The following NFIB variants were observed in gnomAD, a reference collection of about 807,000 sequenced individuals.
NFIB encodes the protein nuclear factor I B, also known as nuclear factor 1 B-type.
A neutral mutation model predicts 61.5 loss-of-function variants in NFIB; 11 were observed. The observed-to-expected ratio is 0.18, with a 90% confidence interval of 0.11 to 0.30. The LOEUF (loss-of-function observed/expected upper bound fraction) is 0.30. Among genes scored for constraint, NFIB ranks in the 10% least tolerant of loss-of-function variants. The pLI is 1.00. For synonymous variants in NFIB, 260 were observed against 216.5 expected, an observed-to-expected ratio of 1.20 and a Z score of -1.76; for missense variants, 471 against 608.9, an observed-to-expected ratio of 0.77 and a Z score of 2.38.
the NFIB span, among the ~76,000 whole-genome samples, chr9:14,434,566 T>A: frequency 9.8e-5 from 15 of 152,302 alleles, no homozygotes; most frequent in African/African-American, 3.6e-4. Flanking sequence ...AAAGGATCCC[T>A]TTCAAACTCA....
At chr9:14,153,766 T>G (rs1294101745) in intron 4 of NFIB, among the ~76,000 whole-genome samples, 1 of 152,170 alleles carries the variant, frequency 6.6e-6, no homozygotes, top group Non-Finnish European at 1.5e-5. Flanking sequence ...GATACACACA[T>G]AGTGTTGTGC....
At chr9:14,153,123 AG>A (rs1385292124) in intron 4 of NFIB, among the ~76,000 whole-genome samples, 1 of 152,184 alleles carries the variant, frequency 6.6e-6, no homozygotes, top group African/African-American at 2.4e-5. Context: ...GCATGGATCC[AG>A]AGATCACATG....
At chr9:14,466,012 G>A in the NFIB span, among the ~76,000 whole-genome samples, 2 of 152,138 alleles carry the variant, frequency 1.3e-5, no homozygotes, top group African/African-American at 4.8e-5. Context: ...AGCACGGCAG[G>A]ACTGAGAGAG....
intron 6 of NFIB, among the ~76,000 whole-genome samples, chr9:14,133,379 T>C (rs10125421): frequency 0.076 from 11,576 of 152,136 alleles, 1,295 homozygotes; most frequent in African/African-American, 0.25. Context: ...CATTAAAATG[T>C]TGGGTGGAAG....
At chr9:14,116,638 A>C (rs1213626479) in intron 8 of NFIB, among the ~76,000 whole-genome samples, 1 of 152,272 alleles carries the variant, frequency 6.6e-6, no homozygotes, top group African/African-American at 2.4e-5. Flanking sequence ...TAGGCCAAGA[A>C]ACTCAAGTGC....
chr9:14,197,809 TAC>T (rs2048620623), intron 2 of NFIB, among the ~76,000 whole-genome samples: 2 of 152,094 alleles, frequency 1.3e-5, no homozygotes, highest in Admixed American at 6.5e-5. Flanking sequence ...AAAGGTAAAT[TAC>T]ACAGTTAATC....
At chr9:14,192,567 G>A (rs1408236425) in intron 2 of NFIB, among the ~76,000 whole-genome samples, 2 of 152,308 alleles carry the variant, frequency 1.3e-5, no homozygotes, top group Non-Finnish European at 2.9e-5. Flanking sequence ...AATGGTAGGA[G>A]TTTGGGAATT....
At chr9:14,173,231 C>T (rs953208516) in intron 3 of NFIB, among the ~76,000 whole-genome samples, 1 of 152,126 alleles carries the variant, frequency 6.6e-6, no homozygotes, top group Non-Finnish European at 1.5e-5. Context: ...CTGCACAAAG[C>T]GGTTGGCTGA....
chr9:14,440,059 C>T, the NFIB span, among the ~76,000 whole-genome samples: 16 of 152,264 alleles, frequency 1.1e-4, no homozygotes, highest in Admixed American at 6.5e-4. Flanking sequence ...GCATTTGGCT[C>T]ACCAGGTGGA....
intron 2 of NFIB, among the ~76,000 whole-genome samples, chr9:14,231,116 T>TG (rs111537594): frequency 1.0e-3 from 41 of 39,648 alleles, no homozygotes; most frequent in African/African-American, 3.0e-3. Flanking sequence ...AGTTTTTCCA[T>TG]GGGGAAAAAA....
chr9:14,125,870 T>C (rs1385970120), intron 6 of NFIB, 104 bp from the exon 7 acceptor site: 3 of 1,456,570 alleles, frequency 2.1e-6, no homozygotes, highest in Admixed American at 4.6e-5. Context: ...AGTATTCTTA[T>C]ACTTTGGCTC....
the NFIB span, among the ~76,000 whole-genome samples, chr9:14,511,130 T>C: frequency 1.5e-4 from 23 of 152,302 alleles, 1 homozygote; most frequent in Admixed American, 7.8e-4. Context: ...CAATTTATAT[T>C]CCCACTAGCA....
At chr9:14,186,817 G>A (rs766656108) in intron 2 of NFIB, among the ~76,000 whole-genome samples, 38 of 151,862 alleles carry the variant, frequency 2.5e-4, no homozygotes, top group Non-Finnish European at 4.7e-4. Flanking sequence ...TTAATGGAAG[G>A]TTGCTTCATT....
chr9:14,480,410 C>A, the NFIB span, among the ~76,000 whole-genome samples: 1 of 152,144 alleles, frequency 6.6e-6, no homozygotes, highest in Admixed American at 6.5e-5. Flanking sequence ...CCTCAAGAGA[C>A]TCTATGTGAA....
chr9:14,186,120 G>A (rs1173944772), intron 2 of NFIB, among the ~76,000 whole-genome samples: 1 of 152,158 alleles, frequency 6.6e-6, no homozygotes. Flanking sequence ...AATGAGTTTG[G>A]TGCAAAGAAG....
intron 6 of NFIB, among the ~76,000 whole-genome samples, chr9:14,137,010 C>T (rs1043093887): frequency 2.6e-4 from 40 of 151,992 alleles, no homozygotes; most frequent in African/African-American, 9.2e-4. Flanking sequence ...ATTTATTATC[C>T]TAATGGTTTT....
chr9:14,468,211 T>C, the NFIB span, among the ~76,000 whole-genome samples: 1 of 152,150 alleles, frequency 6.6e-6, no homozygotes, highest in African/African-American at 2.4e-5. Flanking sequence ...TATAAGAGAG[T>C]ATTTAGCAAG....
At chr9:14,130,139 T>C (rs1169650850) in intron 6 of NFIB, among the ~76,000 whole-genome samples, 1 of 152,172 alleles carries the variant, frequency 6.6e-6, no homozygotes, top group Non-Finnish European at 1.5e-5. Flanking sequence ...CTTCCTAGTC[T>C]CCTCCAGGCC....
chr9:14,231,135 A>AAAAATATATATATAT (rs55959148), intron 2 of NFIB, among the ~76,000 whole-genome samples: 3 of 35,350 alleles, frequency 8.5e-5, no homozygotes, highest in Non-Finnish European at 1.1e-4. Context: ...AAAAAAAAAA[A>AAAAATATATATATAT]ATATATATAT....
Sources: gnomAD v4.1 joint callset for allele counts (sites outside exome capture counted in the v4.1 genomes callset) on GRCh38, gnomAD v4.1.1 for gene constraint, MANE v1.5 for transcripts, NCBI Gene and HGNC (gene_info 2026-07-23, HGNC 2026-07-21) for gene names.